The following CUX2 variants were observed in gnomAD, a reference collection of about 807,000 sequenced individuals.
The protein encoded by CUX2 is cut like homeobox 2.
A neutral mutation model predicts 144.8 loss-of-function variants in CUX2; 40 were observed. The observed-to-expected ratio is 0.28, with a 90% CI of 0.21 to 0.36. The LOEUF is 0.36. CUX2 is among the 10% of genes least tolerant of loss of function. CUX2 has a pLI of 1.00. For synonymous variants in CUX2, 827 were observed against 875.6 expected, an observed-to-expected ratio of 0.94 and a Z score of 0.98; for missense variants, 1,615 against 1,994.0, an observed-to-expected ratio of 0.81 and a Z score of 3.62.
chr12:111,222,781 G>C (rs1881919515), intron 3 of CUX2, among the ~76,000 whole-genome samples: 1 of 152,184 alleles, frequency 6.6e-6, no homozygotes. Flanking sequence ...GCATGGTTGT[G>C]TGGGACTGAG....
chr12:111,304,332 G>C lies in CUX2; in HGVS notation c.858+18G>C, dbSNP rs765314132. The C allele has an allele frequency of 1.2e-4, 198 of 1,598,480 alleles. No homozygotes were observed. The highest frequency in any genetic ancestry group is 1.6e-4 in the Non-Finnish European group (187 of 1,167,656). ...CCAGTGGGGTAAGGATGGGGTTGGG[G>C]AAGTGAGCAGGGAGGGCAGAGGGAA... On this transcript the variant is annotated intron_variant, in intron 10 of 21. Coordinates refer to ENST00000261726, the MANE Select transcript of CUX2 (RefSeq NM_015267.4). The surrounding 1 kb of genome is among the most constrained non-coding windows in gnomAD (Gnocchi z 4.7).
intron 1 of CUX2, among the ~76,000 whole-genome samples, chr12:111,103,985 T>G (rs558095358): frequency 6.6e-6 from 1 of 152,340 alleles, no homozygotes; most frequent in Admixed American, 6.5e-5. Flanking sequence ...TTGGACCAAC[T>G]TGGATCCATG....
At chr12:111,169,586 C>G (rs997839544) in intron 1 of CUX2, among the ~76,000 whole-genome samples, 2 of 152,186 alleles carry the variant, frequency 1.3e-5, no homozygotes, top group Admixed American at 1.3e-4. Context: ...AGGGCTGGCT[C>G]TCTCCCTGAC....
chr12:111,163,201 G>A (rs965181937), intron 1 of CUX2, among the ~76,000 whole-genome samples: 1 of 152,144 alleles, frequency 6.6e-6, no homozygotes, highest in Non-Finnish European at 1.5e-5. Context: ...GCAAACAAAT[G>A]CTTAGAACTA....
At position 111,312,117 on chromosome 12, in the gene CUX2, A is replaced by G; in HGVS notation, c.1918A>G (p.Ile640Val). The G allele has an allele frequency of 2.5e-6, 4 of 1,610,786 alleles. No homozygotes were observed. The highest frequency in any genetic ancestry group is 3.4e-6 in the Non-Finnish European group (4 of 1,177,484). The change falls in exon 16 of 22, where the codon ATC (isoleucine) becomes GTC (valine). Residue 640 changes from isoleucine (I) to valine (V), a missense_variant. Transcript: ENST00000261726. This position sits in a 1 kb window ranked among gnomAD's most constrained non-coding sequence, Gnocchi z 4.3. Reference protein sequence around the residue: ...VRQRGSITPRIRTPETGSDDA... With the variant: ...VRQRGSITPRVRTPETGSDDA... ...CTCCCCAGGCAGCATCACCCCGAGA[A>G]TCCGCACGCCTGAGACAGGCTCAGA... is the stretch of plus-strand genomic sequence containing the variant.
At chr12:111,155,667 A>T (rs1877325909) in intron 1 of CUX2, among the ~76,000 whole-genome samples, 2 of 152,126 alleles carry the variant, frequency 1.3e-5, no homozygotes, top group Non-Finnish European at 2.9e-5. Context: ...GACAGCTCTG[A>T]CTGCCCGATT....
chr12:111,265,156 G>A (rs1179873939), intron 4 of CUX2, among the ~76,000 whole-genome samples: 1 of 151,984 alleles, frequency 6.6e-6, no homozygotes, highest in African/African-American at 2.4e-5. Context: ...CACTTGAAGG[G>A]GGCCAAGAGT....
At chr12:111,074,518 C>T (rs1312378465) in intron 1 of CUX2, among the ~76,000 whole-genome samples, 1 of 151,978 alleles carries the variant, frequency 6.6e-6, no homozygotes, top group Non-Finnish European at 1.5e-5. Flanking sequence ...TGTCTTTGCC[C>T]AACCTTGCCT....
intron 1 of CUX2, among the ~76,000 whole-genome samples, chr12:111,202,348 C>T (rs949434802): frequency 6.6e-6 from 1 of 152,176 alleles, no homozygotes; most frequent in Non-Finnish European, 1.5e-5. Flanking sequence ...TATAAATCAG[C>T]AATCAAGGGC....
At chr12:111,073,398 C>T (rs1566201337) in intron 1 of CUX2, among the ~76,000 whole-genome samples, 1 of 152,098 alleles carries the variant, frequency 6.6e-6, no homozygotes, top group African/African-American at 2.4e-5. Flanking sequence ...TCATCCATTC[C>T]CCTGTTAAGG....
rs560684846 is a variant in CUX2, at chr12:111,299,078, C to T, written c.753+489C>T. Among the ~76,000 whole-genome samples the T allele has an allele frequency of 3.9e-5, 6 of 152,328 alleles. No homozygotes were observed. In the East Asian group the frequency reaches 5.8e-4, roughly 15 times the overall value. ...CAGCCACAGCCAGGGGGCTCCAGCC[C>T]GGAGTCTTGAGTGCCCACCATGTCT... On this transcript the variant is annotated intron_variant, in intron 9 of 21. Transcript: ENST00000261726.
chr12:111,337,830 G>C (rs961939828), intron 19 of CUX2, among the ~76,000 whole-genome samples: 5 of 152,202 alleles, frequency 3.3e-5, no homozygotes, highest in Non-Finnish European at 7.3e-5. Flanking sequence ...GAGGTCAGGA[G>C]TTTGAAACCA....
chr12:111,128,601 A>G (rs1875240923), intron 1 of CUX2, among the ~76,000 whole-genome samples: 1 of 152,186 alleles, frequency 6.6e-6, no homozygotes, highest in Admixed American at 6.5e-5. Context: ...GTCAGATAAC[A>G]CCCAGTTCAT....
Position 111,310,350 on chromosome 12 carries a change from C to A in CUX2, c.1568C>A (p.Pro523Gln). Residue 523 changes from proline (P) to glutamine (Q), a missense_variant, in exon 15 of 22, where the codon CCG (proline) becomes CAG (glutamine). Pro to Gln is a moderately conservative substitution (Grantham distance 76, BLOSUM62 -1). Around this residue, in one of 12 missense-constraint regions of CUX2, gnomAD observed 154 missense variants for 148.4 expected, o/e 1.04. Coordinates refer to ENST00000261726, the MANE Select transcript of CUX2 (RefSeq NM_015267.4). This position sits in a 1 kb window ranked among gnomAD's most constrained non-coding sequence, Gnocchi z 7.9. ...AAGCCCCCCACAGCCCCTGCCACCC[C>A]GGCCCCTGGCCCTGAGCCACTGGGC... ...GAKPPTAPAT[P>Q]APGPEPLGGP... 4 of 1,560,330 alleles carry A rather than the reference C, an allele frequency of 2.6e-6. No homozygotes were observed. The highest frequency in any genetic ancestry group is 2.6e-6 in the Non-Finnish European group (3 of 1,149,594).
chr12:111,145,715 G>C (rs1441804182), intron 1 of CUX2, among the ~76,000 whole-genome samples: 6 of 151,958 alleles, frequency 3.9e-5, no homozygotes, highest in Admixed American at 2.6e-4. Context: ...CACCCAGGCT[G>C]GAGTGCAGTG....
chr12:111,176,936 C>T (rs903863756), intron 1 of CUX2, among the ~76,000 whole-genome samples: 5 of 152,314 alleles, frequency 3.3e-5, no homozygotes, highest in South Asian at 2.1e-4. Flanking sequence ...GCAGGGTCGT[C>T]CTGTGCCTTG....
chr12:111,212,387 T>C (rs1881282140), intron 1 of CUX2, among the ~76,000 whole-genome samples: 2 of 152,176 alleles, frequency 1.3e-5, no homozygotes, highest in African/African-American at 4.8e-5. Context: ...AGCACCTGTT[T>C]CCGCTCCCCC....
chr12:111,051,218 C>A (rs1263812132), intron 1 of CUX2, among the ~76,000 whole-genome samples: 2 of 152,206 alleles, frequency 1.3e-5, no homozygotes, highest in East Asian at 1.9e-4. Flanking sequence ...ACCTTCCATG[C>A]TCAGCATGGA....
intron 1 of CUX2, among the ~76,000 whole-genome samples, chr12:111,147,966 A>G (rs1033602652): frequency 1.3e-5 from 2 of 152,188 alleles, no homozygotes; most frequent in Non-Finnish European, 2.9e-5. Flanking sequence ...TGCTGCAGCC[A>G]CTATGGGAGA....
Sources: allele counts gnomAD v4.1 joint callset (sites outside exome capture counted in the v4.1 genomes callset), GRCh38; gene constraint gnomAD v4.1.1; regional missense constraint gnomAD v4.1.1; non-coding constraint Gnocchi (gnomAD v3.1); transcripts MANE v1.5; gene names NCBI Gene and HGNC (gene_info 2026-07-23, HGNC 2026-07-21).